The following FAM13C variants were observed in gnomAD, a reference collection of about 807,000 sequenced individuals.
FAM13C encodes protein FAM13C.
FAM13C carries 37 observed loss-of-function variants against 73.2 expected under a neutral mutation model. The observed-to-expected ratio is 0.51, with a 90% CI of 0.39 to 0.67. The LOEUF (loss-of-function observed/expected upper bound fraction) is 0.67. Among genes scored for constraint, FAM13C ranks in the 30% least tolerant of loss-of-function variants. The pLI, the probability that FAM13C is intolerant of heterozygous loss-of-function variation, is 0.00. For synonymous variants in FAM13C, 246 were observed against 260.9 expected (o/e 0.94, Z 0.55); for missense variants, 589 against 715.6 (o/e 0.82, Z 2.02).
intron 6 of FAM13C, among the ~76,000 whole-genome samples, chr10:59,270,574 AGG>A (rs1843612284): frequency 6.6e-6 from 1 of 152,128 alleles, no homozygotes; most frequent in African/African-American, 2.4e-5. Flanking sequence ...AGAGGAAGAG[AGG>A]GGAGAGGAGT....
At chr10:59,319,091 AC>A (rs1422135581) in intron 4 of FAM13C, among the ~76,000 whole-genome samples, 64 of 149,998 alleles carry the variant, frequency 4.3e-4, no homozygotes, top group African/African-American at 1.5e-3. Context: ...ACACACACAC[AC>A]ACACACACAC....
intron 10 of FAM13C, among the ~76,000 whole-genome samples, chr10:59,259,285 T>G (rs1239080022): frequency 6.6e-6 from 1 of 152,176 alleles, no homozygotes; most frequent in Non-Finnish European, 1.5e-5. Flanking sequence ...AGAGTCATAA[T>G]AAAGTCTCTC....
At position 59,247,380 on chromosome 10, in the gene FAM13C, A is replaced by C; in HGVS notation, c.*234T>G. ...ATTGACTATGAGTTTTCTGCTTGGC[A>C]TGGAGGACACTGAATTTTTTCCCAA... On this transcript the variant is annotated 3_prime_UTR_variant, in exon 14 of 14. Coordinates refer to ENST00000618804, the MANE Select transcript of FAM13C (RefSeq NM_198215.4). 2.0e-6 allele frequency: 1 copy of C among 505,408 alleles called. No homozygotes were observed. The highest frequency in any genetic ancestry group is 2.5e-5 in the South Asian group (1 of 40,798). The allele number at this position is 505,408 out of a possible 1,614,324, so 31.3% of individuals were successfully genotyped here.
chr10:59,315,130 A>G (rs1467715402), intron 4 of FAM13C, among the ~76,000 whole-genome samples: 3 of 152,254 alleles, frequency 2.0e-5, no homozygotes, highest in African/African-American at 7.2e-5. Flanking sequence ...CTTGCAAATA[A>G]TATAAACTTA....
chr10:59,335,725 T>C (rs1020961416), intron 3 of FAM13C, among the ~76,000 whole-genome samples: 1 of 152,124 alleles, frequency 6.6e-6, no homozygotes, highest in Non-Finnish European at 1.5e-5. Flanking sequence ...TTACCTGGGG[T>C]CAAGTCCACA....
chr10:59,300,751 A>T (rs1053159262), intron 5 of FAM13C: 1 of 152,264 alleles, frequency 6.6e-6, no homozygotes, highest in African/African-American at 2.4e-5. Context: ...ACAAAAGAGC[A>T]TATGTAATCC....
intron 5 of FAM13C, among the ~76,000 whole-genome samples, chr10:59,286,538 T>TATATATATATATATATATATATATAG (rs1845582188): frequency 7.0e-6 from 1 of 142,324 alleles, no homozygotes; most frequent in Non-Finnish European, 1.5e-5. Flanking sequence ...TATATATATA[T>TATATATATATATATATATATATATAG]ATATTCATCA....
intron 4 of FAM13C, among the ~76,000 whole-genome samples, chr10:59,303,874 G>A (rs1301538333): frequency 6.6e-6 from 1 of 152,122 alleles, no homozygotes; most frequent in Non-Finnish European, 1.5e-5. Flanking sequence ...GTTCGGCCAG[G>A]CGCGGTGGCT....
chr10:59,307,756 A>T (rs1848433260), intron 4 of FAM13C, among the ~76,000 whole-genome samples: 1 of 152,206 alleles, frequency 6.6e-6, no homozygotes, highest in African/African-American at 2.4e-5. Context: ...AGGCAAGAAG[A>T]ACAGGACATG....
At chr10:59,330,189 T>G (rs1851788878) in intron 3 of FAM13C, among the ~76,000 whole-genome samples, 1 of 152,180 alleles carries the variant, frequency 6.6e-6, no homozygotes, top group Admixed American at 6.5e-5. Context: ...ATTTAATACT[T>G]TATATTCAAT....
intron 3 of FAM13C, among the ~76,000 whole-genome samples, chr10:59,331,727 G>A (rs188925844): frequency 4.2e-4 from 64 of 152,276 alleles, no homozygotes; most frequent in Admixed American, 3.3e-3. Flanking sequence ...GATGACAGAG[G>A]TGGTAGGCAG....
chr10:59,265,335 G>GGGTGGA (rs78422182), intron 8 of FAM13C, among the ~76,000 whole-genome samples: 1 of 16,056 alleles, frequency 6.2e-5, no homozygotes, highest in East Asian at 1.2e-3. Context: ...GGGGGGGGGG[G>GGGTGGA]AATCCTGGTT....
intron 2 of FAM13C, among the ~76,000 whole-genome samples, chr10:59,354,856 C>G (rs946203005): frequency 2.6e-5 from 4 of 152,012 alleles, no homozygotes; most frequent in African/African-American, 9.7e-5. Flanking sequence ...CTCACTCCAC[C>G]AGGTTCCCAG....
At chr10:59,331,162 G>C (rs138725848) in intron 3 of FAM13C, among the ~76,000 whole-genome samples, 10 of 152,292 alleles carry the variant, frequency 6.6e-5, no homozygotes, top group African/African-American at 2.4e-4. Flanking sequence ...GAGGTGGCAA[G>C]ACACAAACTA....
chr10:59,255,433 G>A (rs201387521), intron 10 of FAM13C, among the ~76,000 whole-genome samples: 8 of 151,524 alleles, frequency 5.3e-5, no homozygotes, highest in Admixed American at 5.2e-4. Context: ...CTATTTGTCT[G>A]TCTATGTATC....
chr10:59,259,190 G>A (rs141625901), intron 10 of FAM13C, among the ~76,000 whole-genome samples: 130 of 152,306 alleles, frequency 8.5e-4, no homozygotes, highest in African/African-American at 3.0e-3. Flanking sequence ...CTCATTGACA[G>A]TATCTGAAGC....
chr10:59,251,365 A>G (rs982926958), intron 13 of FAM13C: 3 of 517,874 alleles, frequency 5.8e-6, no homozygotes, highest in Admixed American at 7.3e-5. Flanking sequence ...TTACAGATTG[A>G]TGTCATACCT....
intron 10 of FAM13C, among the ~76,000 whole-genome samples, chr10:59,255,565 T>A (rs1841875330): frequency 1.3e-5 from 2 of 152,096 alleles, no homozygotes; most frequent in Admixed American, 1.3e-4. Flanking sequence ...AGTCCAGTGA[T>A]ATACACTTGG....
intron 4 of FAM13C, 114 bp downstream of exon 4, chr10:59,323,874 G>A (rs1223832094): frequency 2.2e-6 from 2 of 905,706 alleles, no homozygotes; most frequent in East Asian, 4.8e-5. Flanking sequence ...CTGACTATAA[G>A]GAATGCCAGC....
Sources: allele counts gnomAD v4.1 joint callset (sites outside exome capture counted in the v4.1 genomes callset), GRCh38; gene constraint gnomAD v4.1.1; transcripts MANE v1.5; gene names NCBI Gene and HGNC (gene_info 2026-07-23, HGNC 2026-07-21).